The following EPS15L1 variants were observed in gnomAD, a reference collection of about 807,000 sequenced individuals.
The protein encoded by EPS15L1 is epidermal growth factor receptor pathway substrate 15 like 1, also known as epidermal growth factor receptor substrate 15-like 1.
A neutral mutation model predicts 117.1 loss-of-function variants in EPS15L1; 43 were observed. The observed-to-expected ratio is 0.37, with a 90% confidence interval of 0.29 to 0.47. The LOEUF (loss-of-function observed/expected upper bound fraction) is 0.47, where lower values mean the gene tolerates loss of function less well. EPS15L1 is among the 20% of genes least tolerant of loss of function. The pLI is 0.99. For synonymous variants in EPS15L1, 459 were observed against 470.5 expected, an observed-to-expected ratio of 0.98 and a Z score of 0.32; for missense variants, 981 against 1,164.0, an observed-to-expected ratio of 0.84 and a Z score of 2.29.
chr19:16,424,852 G>A (rs539817964), intron 9 of EPS15L1, among the ~76,000 whole-genome samples: 8 of 152,046 alleles, frequency 5.3e-5, no homozygotes, highest in Non-Finnish European at 1.5e-5. Flanking sequence ...TAGTAGAGAC[G>A]GGGTTTCACC....
intron 21 of EPS15L1, among the ~76,000 whole-genome samples, chr19:16,380,993 G>A (rs2092356032): frequency 6.6e-6 from 1 of 152,172 alleles, no homozygotes; most frequent in Admixed American, 6.5e-5. Flanking sequence ...ACAGGGAGGT[G>A]GCCCCTCTAA....
At chr19:16,364,162 C>T (rs965208594) in intron 22 of EPS15L1, among the ~76,000 whole-genome samples, 17 of 152,198 alleles carry the variant, frequency 1.1e-4, no homozygotes, top group Admixed American at 2.6e-4. Context: ...GAGGTCGAGG[C>T]CTGGTATCAG....
Position 16,392,387 on chromosome 19 carries a change from T to G in EPS15L1, c.2020A>C (p.Thr674Pro). The change falls in exon 19 of 24, where the codon ACT becomes CCT. Residue 674 changes from threonine to proline, a missense_variant. Physicochemically the swap from Thr to Pro is conservative, Grantham distance 38. Around this residue, in one of 5 missense-constraint regions of EPS15L1, gnomAD observed 819 missense variants for 949.0 expected, o/e 0.86. Transcript: ENST00000455140. The stretch of plus-strand genomic sequence containing the variant: ...GTCTGTTTCTTGAAGAAGTCGTCAG[T>G]GGCAGAGCCACGGAATGGGTCACTT... ...KESDPFRGSA[T>P]DDFFKKQTKN... 6.2e-7 allele frequency: 1 copy of G among 1,614,200 alleles called. No individual in the cohort carries two copies. Among genetic ancestry groups the G allele is most frequent in the Non-Finnish European group, 8.5e-7 (1 of 1,180,010 alleles).
intron 5 of EPS15L1, 151 bp downstream of exon 5, chr19:16,437,619 T>G: frequency 1.6e-6 from 1 of 620,182 alleles, no homozygotes. Flanking sequence ...CACTTTAAAA[T>G]TATTAATTTT....
At chr19:16,453,218 G>A (rs2093163201) in intron 1 of EPS15L1, among the ~76,000 whole-genome samples, 1 of 152,114 alleles carries the variant, frequency 6.6e-6, no homozygotes, top group South Asian at 2.1e-4. Flanking sequence ...TCCTTCCTTA[G>A]CCTTCCAAGT....
At chr19:16,394,681 T>C (rs982361923) in intron 17 of EPS15L1, among the ~76,000 whole-genome samples, 1 of 152,226 alleles carries the variant, frequency 6.6e-6, no homozygotes, top group Non-Finnish European at 1.5e-5. Flanking sequence ...TAGGTTTATG[T>C]AGGAATCCAT....
chr19:16,441,588 C>T (rs376179332), intron 3 of EPS15L1: 1 of 195,296 alleles, frequency 5.1e-6, no homozygotes, highest in Non-Finnish European at 1.0e-5. Context: ...GAGATCGCGC[C>T]GCTGCATTCC....
chr19:16,425,519 C>T (rs1245506055), intron 8 of EPS15L1, among the ~76,000 whole-genome samples: 3 of 152,194 alleles, frequency 2.0e-5, no homozygotes, highest in Non-Finnish European at 4.4e-5. Context: ...AATTATTCCT[C>T]GAGACTGAAA....
intron 19 of EPS15L1, among the ~76,000 whole-genome samples, chr19:16,386,770 G>C (rs1376169989): frequency 6.6e-6 from 1 of 152,214 alleles, no homozygotes; most frequent in African/African-American, 2.4e-5. Context: ...AGCCTGGGGG[G>C]ACTCGAGGCA....
chr19:16,466,470 C>T (rs1003672220), intron 1 of EPS15L1, among the ~76,000 whole-genome samples: 1 of 152,168 alleles, frequency 6.6e-6, no homozygotes, highest in Non-Finnish European at 1.5e-5. Flanking sequence ...TTCTTTATAT[C>T]TGGGCCCCTC....
Position 16,434,348 on chromosome 19 carries a change from G to A in EPS15L1, c.498+17C>T. ...GGGACACTGAGTGCAGAAGAACCAA[G>A]CCCGTGGCCCACTTACCCTGCCCAG... On this transcript the variant is annotated intron_variant, in intron 7 of 23. Coordinates refer to ENST00000455140, the MANE Select transcript of EPS15L1 (RefSeq NM_001258374.3). The A allele has an allele frequency of 3.1e-6, 5 of 1,612,112 alleles. No individual in the cohort carries two copies. The highest frequency in any genetic ancestry group is 4.2e-6 in the Non-Finnish European group (5 of 1,179,278).
chr19:16,393,701 A>T (rs1000200788), intron 18 of EPS15L1, among the ~76,000 whole-genome samples: 1 of 151,578 alleles, frequency 6.6e-6, no homozygotes, highest in Non-Finnish European at 1.5e-5. Flanking sequence ...AAAATAAATA[A>T]ATAAATTAGC....
chr19:16,471,832 C>T lies in EPS15L1; in HGVS notation c.33+81G>A. The stretch of plus-strand genomic sequence containing the variant: ...CGCCCCCGCCGCCGCCTGGCTGAGT[C>T]TCCCAGCGCCTCAGCCTCGCCGCAC... On this transcript the variant is annotated intron_variant, in intron 1 of 23. Transcript: ENST00000455140. This position sits in a 1 kb window ranked among gnomAD's most constrained non-coding sequence, Gnocchi z 4.8. 1 of 778,696 alleles carries T rather than the reference C, an allele frequency of 1.3e-6. No individual in the cohort carries two copies. The highest frequency in any genetic ancestry group is 5.0e-5 in the South Asian group (1 of 20,116). 48.2% of individuals were successfully genotyped at this position (778,696 alleles called of 1,614,324 possible).
chr19:16,380,829 T>C (rs918441428), intron 21 of EPS15L1, among the ~76,000 whole-genome samples: 4 of 152,260 alleles, frequency 2.6e-5, no homozygotes, highest in Non-Finnish European at 4.4e-5. Flanking sequence ...CAGCTAGTTA[T>C]AGAGATGCAG....
intron 12 of EPS15L1, among the ~76,000 whole-genome samples, chr19:16,414,706 GGTTTT>G (rs1261170500): frequency 6.7e-6 from 1 of 148,866 alleles, no homozygotes; most frequent in Non-Finnish European, 1.5e-5. Context: ...GCCTTTTTTT[GGTTTT>G]GTTTTTTTTT....
intron 1 of EPS15L1, among the ~76,000 whole-genome samples, chr19:16,469,562 C>A (rs1279770167): frequency 6.6e-6 from 1 of 152,054 alleles, no homozygotes; most frequent in Non-Finnish European, 1.5e-5. Context: ...GAGGTGCAGA[C>A]CTTTCGAATT....
intron 19 of EPS15L1, among the ~76,000 whole-genome samples, chr19:16,386,952 A>C (rs891016131): frequency 6.6e-6 from 1 of 152,224 alleles, no homozygotes; most frequent in African/African-American, 2.4e-5. Flanking sequence ...CATGTATCAG[A>C]TACATTTCTA....
chr19:16,436,996 C>T lies in EPS15L1; in HGVS notation c.313G>A (p.Asp105Asn), dbSNP rs1055792286. The change falls in exon 6 of 24, where the codon GAC (aspartate) becomes AAC (asparagine). Residue 105 changes from aspartate (D) to asparagine (N), a missense_variant. Around this residue, in one of 5 missense-constraint regions of EPS15L1, gnomAD observed 52 missense variants for 53.1 expected, o/e 0.98. Coordinates refer to ENST00000455140, the MANE Select transcript of EPS15L1 (RefSeq NM_001258374.3). ...GTGACCATCAGAGGGCTGCTGGTGT[C>T]GTGCTGAGAAGAGAGAGAAACATTC... is the stretch of plus-strand genomic sequence containing the variant. Reference protein sequence around the residue: ...NLSMPPPKFHDTSSPLMVTPP... With the variant: ...NLSMPPPKFHNTSSPLMVTPP... 2.5e-6 allele frequency: 4 copies of T among 1,613,832 alleles called. 1 individual carries two copies. Among genetic ancestry groups the T allele is most frequent in the Non-Finnish European group, 3.4e-6 (4 of 1,179,788 alleles).
At position 16,404,872 on chromosome 19, in the gene EPS15L1, T is replaced by C; in HGVS notation, c.1267-123A>G. 1 of 1,076,684 alleles carries C rather than the reference T, an allele frequency of 9.3e-7. No homozygotes were observed. Among genetic ancestry groups the C allele is most frequent in the Non-Finnish European group, 1.4e-6 (1 of 735,202 alleles). The allele number at this position is 1,076,684 out of a possible 1,614,324, so 66.7% of individuals were successfully genotyped here. ...CCGAAACCACCCACTGTGACCGTGC[T>C]CAGGGCCAGCATTCCGTGCACACCC... On this transcript the variant is annotated intron_variant, in intron 13 of 23. Coordinates refer to ENST00000455140, the MANE Select transcript of EPS15L1 (RefSeq NM_001258374.3). This position sits in a 1 kb window ranked among gnomAD's most constrained non-coding sequence, Gnocchi z 4.2.
Sources: gnomAD v4.1 joint callset for allele counts (sites outside exome capture counted in the v4.1 genomes callset) on GRCh38, gnomAD v4.1.1 for gene constraint, gnomAD v4.1.1 regional missense constraint, Gnocchi (gnomAD v3.1) non-coding constraint, MANE v1.5 for transcripts, NCBI Gene and HGNC (gene_info 2026-07-23, HGNC 2026-07-21) for gene names.